Variants in RBFOX1 observed in about 807,000 individuals in gnomAD.
The protein encoded by RBFOX1 is RNA binding fox-1 homolog 1.
Under a neutral mutation model 57.7 loss-of-function variants are expected in RBFOX1, and 8 were observed. That is an observed-to-expected ratio of 0.14 (90% CI 0.08 to 0.25). The LOEUF (loss-of-function observed/expected upper bound fraction) is 0.25. Among genes scored for constraint, RBFOX1 ranks in the 10% least tolerant of loss-of-function variants. The pLI is 1.00. For synonymous variants in RBFOX1, 326 were observed against 222.4 expected (o/e 1.47, Z -4.15); for missense variants, 611 against 548.5 (o/e 1.11, Z -1.14).
chr16:6,192,998 C>T (rs1463280344), intron 1 of RBFOX1, among the ~76,000 whole-genome samples: 1 of 152,090 alleles, frequency 6.6e-6, no homozygotes, highest in African/African-American at 2.4e-5. Flanking sequence ...TCCCATTCAT[C>T]TGATGGCTGT....
At chr16:5,544,419 TAGAAAG>T (rs2045098814) in intron 2 of RBFOX1, among the ~76,000 whole-genome samples, 1 of 152,062 alleles carries the variant, frequency 6.6e-6, no homozygotes, top group Non-Finnish European at 1.5e-5. Context: ...GGGATACTGT[TAGAAAG>T]GGAAATGTAT....
At chr16:5,971,574 T>C (rs1416207045) in intron 4 of RBFOX1, among the ~76,000 whole-genome samples, 1 of 152,246 alleles carries the variant, frequency 6.6e-6, no homozygotes, top group South Asian at 2.1e-4. Flanking sequence ...ATCCTGCTAA[T>C]GCACTAGCTC....
At chr16:5,713,320 G>T (rs1424694069) in intron 3 of RBFOX1, among the ~76,000 whole-genome samples, 2 of 152,186 alleles carry the variant, frequency 1.3e-5, no homozygotes, top group Non-Finnish European at 2.9e-5. Context: ...GACAAGGAAG[G>T]GAGGAAGGGA....
At chr16:6,583,159 C>T (rs1237106755) in intron 2 of RBFOX1, among the ~76,000 whole-genome samples, 1 of 152,176 alleles carries the variant, frequency 6.6e-6, no homozygotes, top group Non-Finnish European at 1.5e-5. Flanking sequence ...AGATAGAGAT[C>T]TCATTTCTTG....
intron 2 of RBFOX1, among the ~76,000 whole-genome samples, chr16:6,370,880 C>T (rs1368187077): frequency 6.6e-6 from 1 of 152,004 alleles, no homozygotes. Context: ...AGAGTGGGTC[C>T]TCAATATGTA....
Position 5,585,334 on chromosome 16 carries a change from C to T in RBFOX1, c.259-13568C>T, listed in dbSNP as rs965119525. On this transcript the variant is annotated intron_variant, in intron 2 of 2. Transcript: ENST00000585867. ...AATGTTCATCCCTGTTGTGGAATGACTCAGTCCTTCTTTTTTAAGGCTGAA... is the reference window on the plus strand; with the variant it reads ...AATGTTCATCCCTGTTGTGGAATGATTCAGTCCTTCTTTTTTAAGGCTGAA... Among the ~76,000 whole-genome samples, 5 of 152,328 alleles carry T rather than the reference C, an allele frequency of 3.3e-5. 1 individual carries two copies. In the Middle Eastern group the frequency reaches 0.017, roughly 518 times the overall value.
At chr16:6,350,444 G>GAAAAAAAAAAAA (rs569363563) in intron 2 of RBFOX1, among the ~76,000 whole-genome samples, 2 of 74,664 alleles carry the variant, frequency 2.7e-5, no homozygotes, top group Non-Finnish European at 4.9e-5. Flanking sequence ...TCTGTCTCAA[G>GAAAAAAAAAAAA]AAAAAAAAAA....
intron 1 of RBFOX1, among the ~76,000 whole-genome samples, chr16:6,125,151 A>G (rs77368405): frequency 0.035 from 5,377 of 152,246 alleles, 231 homozygotes; most frequent in East Asian, 0.2. Context: ...TGTAAGGGAC[A>G]TTGTGCAGCT....
At chr16:5,739,364 C>G in intron 3 of RBFOX1, among the ~76,000 whole-genome samples, 1 of 152,316 alleles carries the variant, frequency 6.6e-6, no homozygotes, top group Non-Finnish European at 1.5e-5. Flanking sequence ...ACCGGTAATA[C>G]AGCTGTGAAT....
chr16:6,851,940 T>C (rs201875682), intron 3 of RBFOX1, among the ~76,000 whole-genome samples: 4 of 143,946 alleles, frequency 2.8e-5, no homozygotes, highest in African/African-American at 7.7e-5. Flanking sequence ...TTTTTTTTTT[T>C]CTTTTTTTGA....
At position 6,552,471 on chromosome 16, in the gene RBFOX1, A is replaced by G. The variant is rs2097010133; in HGVS notation, c.-63-102132A>G. Among the ~76,000 whole-genome samples the G allele has an allele frequency of 3.9e-5, 6 of 152,190 alleles. No individual in the cohort carries two copies. In the South Asian group the frequency reaches 1.2e-3, roughly 31 times the overall value. On this transcript the variant is annotated intron_variant, in intron 2 of 15. Transcript: ENST00000550418. Reference sequence around the variant, plus strand: ...TTCATGTGTTTGTAGTGAAGATTGAAGGAGATACTACCTGCAAAGTATTCA... The same window carrying G: ...TTCATGTGTTTGTAGTGAAGATTGAGGGAGATACTACCTGCAAAGTATTCA...
chr16:7,018,322 C>T (rs147477914), intron 3 of RBFOX1, among the ~76,000 whole-genome samples: 15 of 152,248 alleles, frequency 9.9e-5, no homozygotes, highest in African/African-American at 3.6e-4. Flanking sequence ...CAGTGAGAAG[C>T]CTAACCTCCG....
chr16:5,412,004 G>C (rs1273922413), intron 1 of RBFOX1, among the ~76,000 whole-genome samples: 1 of 152,082 alleles, frequency 6.6e-6, no homozygotes. Flanking sequence ...TTTCTAGATC[G>C]GTTAGTTATG....
chr16:6,661,286 A>T (rs894390626), intron 3 of RBFOX1, among the ~76,000 whole-genome samples: 1 of 152,204 alleles, frequency 6.6e-6, no homozygotes, highest in African/African-American at 2.4e-5. Context: ...CATGTGCCTA[A>T]TTCCAGGCTC....
At chr16:5,601,706 G>A (rs2047370690), downstream of RBFOX1, 2 of 152,180 alleles carry the variant, frequency 1.3e-5, no homozygotes, top group East Asian at 1.9e-4. Flanking sequence ...TTTTGCAGAT[G>A]GGGAAATGAG....
At chr16:6,135,991 C>T (rs1196892932) in intron 1 of RBFOX1, among the ~76,000 whole-genome samples, 2 of 151,820 alleles carry the variant, frequency 1.3e-5, no homozygotes, top group Non-Finnish European at 2.9e-5. Context: ...GATGGGTTTT[C>T]ACCATGTCGG....
intron 4 of RBFOX1, among the ~76,000 whole-genome samples, chr16:5,951,784 TGTTAAAA>T (rs113943917): frequency 0.18 from 28,047 of 151,736 alleles, 3,064 homozygotes; most frequent in Middle Eastern, 0.37. Flanking sequence ...AGGGATAGAT[TGTTAAAA>T]GTTAAAAGTT....
At chr16:5,750,940 T>C (rs892723364) in intron 3 of RBFOX1, among the ~76,000 whole-genome samples, 3 of 152,220 alleles carry the variant, frequency 2.0e-5, no homozygotes, top group African/African-American at 7.2e-5. Flanking sequence ...ATTACCTGTC[T>C]TCTGCGTTGC....
intron 13 of RBFOX1, among the ~76,000 whole-genome samples, chr16:7,667,891 C>G (rs780174303): frequency 4.6e-4 from 70 of 152,240 alleles, no homozygotes; most frequent in Non-Finnish European, 8.7e-4. Context: ...CCAGGGTGGT[C>G]TGGAACTCCT....
Sources: gnomAD v4.1 joint callset for allele counts (sites outside exome capture counted in the v4.1 genomes callset) on GRCh38, gnomAD v4.1.1 for gene constraint, MANE v1.5 for transcripts, NCBI Gene and HGNC (gene_info 2026-07-23, HGNC 2026-07-21) for gene names.